Variants in C17orf99 observed in about 807,000 individuals in gnomAD.
The protein encoded by C17orf99 is chromosome 17 open reading frame 99.
C17orf99 carries 18 observed loss-of-function variants against 22.6 expected under a neutral mutation model. That is an observed-to-expected ratio of 0.80 (90% CI 0.55 to 1.18). The LOEUF is 1.18. Among genes scored for constraint, C17orf99 ranks in the 50% most tolerant of loss-of-function variants. The pLI is 0.00. For synonymous variants in C17orf99, 147 were observed against 136.6 expected (o/e 1.08, Z -0.53); for missense variants, 328 against 342.7 (o/e 0.96, Z 0.34).
chr17:78,146,828 G>A lies in C17orf99; in HGVS notation c.38-51G>A, dbSNP rs972606447. 9.8e-6 allele frequency: 15 copies of A among 1,536,266 alleles called. No homozygotes were observed. The East Asian group carries it at 3.7e-4, about 38-fold the overall frequency. On this transcript the variant is annotated intron_variant, in intron 1 of 4. Coordinates refer to ENST00000340363, the MANE Select transcript of C17orf99 (RefSeq NM_001163075.2). The surrounding 1 kb of genome is among the most constrained non-coding windows in gnomAD (Gnocchi z 5.2). ...CAGGTGGGTCTCGAGGCTGTCTCTG[G>A]TCTCCCCTCCACACCAGGCCCTCTC... is the stretch of plus-strand genomic sequence containing the variant.
intron 2 of C17orf99, chr17:78,158,081 C>T (rs61740098): frequency 0.12 from 126,282 of 1,050,502 alleles, 8,452 homozygotes; most frequent in Middle Eastern, 0.26. Flanking sequence ...AGAGGACTTT[C>T]GTCTGCATGA....
intron 3 of C17orf99, among the ~76,000 whole-genome samples, chr17:78,162,259 G>C (rs1171898879): frequency 6.9e-6 from 1 of 144,660 alleles, no homozygotes. Flanking sequence ...CTGGGTGACA[G>C]CGTAAGACTA....
chr17:78,158,004 A>G, intron 2 of C17orf99: 1 of 1,355,996 alleles, frequency 7.4e-7, no homozygotes, highest in Non-Finnish European at 1.0e-6. Context: ...ATCAAAAGGA[A>G]TGACTTCCAG....
At position 78,164,076 on chromosome 17, in the gene C17orf99, C is replaced by T. The variant is rs746101109; in HGVS notation, c.371-19C>T. On this transcript the variant is annotated intron_variant, in intron 3 of 4. Coordinates refer to ENST00000340363, the MANE Select transcript of C17orf99 (RefSeq NM_001163075.2). ...AAACCGCTCAGCCATGCCTGTGCTA[C>T]CTTCTCCCACCCTGCCAGAGCCAGT... 3.2e-6 allele frequency: 5 copies of T among 1,549,260 alleles called. No individual in the cohort carries two copies. The highest frequency in any genetic ancestry group is 4.4e-6 in the Non-Finnish European group (5 of 1,144,940).
chr17:78,164,820 G>A lies in C17orf99; in HGVS notation c.640+456G>A, dbSNP rs963096509. On this transcript the variant is annotated intron_variant, in intron 4 of 4. Transcript: ENST00000340363. ...ATCACCGCTTACGCATGACTCGAAG[G>A]TGTTTATGAGGACCTACTGTGTGCC... 3.8e-5 allele frequency: 46 copies of A among 1,221,934 alleles called. No individual in the cohort carries two copies. The African/African-American group carries it at 7.0e-4, about 19-fold the overall frequency. The allele number at this position is 1,221,934 out of a possible 1,614,324, so 75.7% of individuals were successfully genotyped here.
At position 78,146,753 on chromosome 17, in the gene C17orf99, C is replaced by A; in HGVS notation, c.38-126C>A. On this transcript the variant is annotated intron_variant, in intron 1 of 4. Coordinates refer to ENST00000340363, the MANE Select transcript of C17orf99 (RefSeq NM_001163075.2). The surrounding 1 kb of genome is among the most constrained non-coding windows in gnomAD (Gnocchi z 5.2). The stretch of plus-strand genomic sequence containing the variant: ...TTGTGAGTGATGGTGCCAGCTGAGT[C>A]CTGGGGCCTCACTACCAAGAATCAG... 1 of 913,026 alleles carries A rather than the reference C, an allele frequency of 1.1e-6. No homozygotes were observed. The highest frequency in any genetic ancestry group is 1.5e-5 in the South Asian group (1 of 66,738). The allele number at this position is 913,026 out of a possible 1,614,324, so 56.6% of individuals were successfully genotyped here.
At chr17:78,149,757 T>C (rs1379898238) in intron 2 of C17orf99, among the ~76,000 whole-genome samples, 4 of 151,946 alleles carry the variant, frequency 2.6e-5, no homozygotes, top group African/African-American at 9.7e-5. Flanking sequence ...TCGCCCAGGC[T>C]GGAGTGCAGT....
Position 78,160,635 on chromosome 17 carries a change from G to A in C17orf99, c.71-320G>A, listed in dbSNP as rs1567821439. 8 of 378,960 alleles carry A rather than the reference G, an allele frequency of 2.1e-5. No homozygotes were observed. In the East Asian group the frequency reaches 4.1e-4, roughly 19 times the overall value. 23.5% of individuals were successfully genotyped at this position (378,960 alleles called of 1,614,324 possible). On this transcript the variant is annotated intron_variant, in intron 2 of 4. Coordinates refer to ENST00000340363, the MANE Select transcript of C17orf99 (RefSeq NM_001163075.2). ...TCTGTCGCCCAGGCTGGAGTGCAGTGGTGTGATCTCGGCTCACTGCCACCT... is the reference window on the plus strand; with the variant it reads ...TCTGTCGCCCAGGCTGGAGTGCAGTAGTGTGATCTCGGCTCACTGCCACCT...
In C17orf99 at chr17:78,164,433, G is replaced by GAC. The variant is rs527585756; in HGVS notation, c.640+73_640+74dup. ...GTGCCGGGAGGGTGCTAGTGTCCAAGACACAGGTCGATGGGAAGTGGGACA... is the reference window on the plus strand; with the variant it reads ...GTGCCGGGAGGGTGCTAGTGTCCAAGACACACAGGTCGATGGGAAGTGGGACA... On this transcript the variant is annotated intron_variant, in intron 4 of 4. Transcript: ENST00000340363. 6 of 1,550,210 alleles carry GAC rather than the reference G, an allele frequency of 3.9e-6. No homozygotes were observed. The Admixed American group carries it at 5.9e-5, about 15-fold the overall frequency.
chr17:78,146,799 T>C lies in C17orf99; in HGVS notation c.38-80T>C. On this transcript the variant is annotated intron_variant, in intron 1 of 4. Transcript: ENST00000340363. The surrounding 1 kb of genome is among the most constrained non-coding windows in gnomAD (Gnocchi z 5.2). ...ATCAGCCTGCTCCTCCCTCCTGGCT[T>C]CAGCAGGTGGGTCTCGAGGCTGTCT... 5.1e-6 allele frequency: 7 copies of C among 1,363,104 alleles called. No homozygotes were observed. The South Asian group carries it at 8.7e-5, about 17-fold the overall frequency. The allele number at this position is 1,363,104 out of a possible 1,614,324, so 84.4% of individuals were successfully genotyped here. A position where few individuals can be genotyped will look rare whatever the true frequency, so the allele number is the denominator to read the frequency against.
chr17:78,157,095 C>T (rs1056591260), intron 2 of C17orf99, among the ~76,000 whole-genome samples: 1 of 151,804 alleles, frequency 6.6e-6, no homozygotes, highest in Non-Finnish European at 1.5e-5. Context: ...TTTGGGAGGC[C>T]GAGGTGGGTG....
intron 2 of C17orf99, among the ~76,000 whole-genome samples, chr17:78,154,602 G>T (rs556867053): frequency 3.8e-5 from 5 of 131,098 alleles, no homozygotes; most frequent in Non-Finnish European, 6.0e-5. Context: ...CAGCACTTTG[G>T]GGGGCTGAGG....
upstream of C17orf99, among the ~76,000 whole-genome samples, chr17:78,146,031 G>A (rs1433288522): frequency 6.6e-6 from 1 of 151,986 alleles, no homozygotes; most frequent in East Asian, 1.9e-4. The surrounding 1 kb of genome is among the most constrained non-coding windows in gnomAD (Gnocchi z 5.2). Flanking sequence ...CAGGTGATCC[G>A]CCCATCCAGG....
chr17:78,152,160 TTTTATTTA>T (rs34429235), intron 2 of C17orf99, among the ~76,000 whole-genome samples: 1 of 150,954 alleles, frequency 6.6e-6, no homozygotes, highest in Non-Finnish European at 1.5e-5. Context: ...AGCAGATGAA[TTTTATTTA>T]TTTATTTATT....
rs1479673139 is a variant in C17orf99, at chr17:78,160,971, C to T, written c.87C>T (p.Val29=). 1.3e-6 allele frequency: 2 copies of T among 1,551,116 alleles called. No homozygotes were observed. The highest frequency in any genetic ancestry group is 1.7e-4 in the Middle Eastern group (1 of 5,992). Residue 29 remains valine, a synonymous_variant, in exon 3 of 5, where the codon GTC becomes GTT. Coordinates refer to ENST00000340363, the MANE Select transcript of C17orf99 (RefSeq NM_001163075.2). ...KAREEEITPV[V]SIAYKVLEVF... ...ATCTCCCAGAAATTACCCCTGTGGT[C>T]TCCATTGCCTACAAAGTCCTGGAAG...
chr17:78,159,141 A>G (rs1447036230), intron 2 of C17orf99: 10 of 153,032 alleles, frequency 6.5e-5, no homozygotes, highest in Admixed American at 5.9e-4. Flanking sequence ...TATGATTTAA[A>G]AAAAAAAGGA....
At chr17:78,155,085 T>C (rs570635534) in intron 2 of C17orf99, among the ~76,000 whole-genome samples, 2 of 151,376 alleles carry the variant, frequency 1.3e-5, no homozygotes, top group African/African-American at 2.4e-5. Flanking sequence ...CTTTGCGACA[T>C]CCTTGGCCTC....
intron 3 of C17orf99, among the ~76,000 whole-genome samples, chr17:78,161,699 C>A (rs553703908): frequency 6.6e-6 from 1 of 152,010 alleles, no homozygotes; most frequent in Non-Finnish European, 1.5e-5. Flanking sequence ...CAAAGATTAG[C>A]TGGGCGTGGC....
chr17:78,164,266 A>G lies in C17orf99; in HGVS notation c.542A>G (p.Asn181Ser). 6.4e-7 allele frequency: 1 copy of G among 1,551,488 alleles called. No individual in the cohort carries two copies. Among genetic ancestry groups the G allele is most frequent in the South Asian group, 1.2e-5 (1 of 84,070 alleles). ...QQRPCHRQPA[N>S]FSFLPSQTSD... ...AGACCATGCCACAGGCAGCCTGCCA[A>G]CTTCTCCTTCCTGCCGAGCCAGACA... Residue 181 changes from asparagine to serine, a missense_variant, in exon 4 of 5, where the codon AAC (asparagine) becomes AGC (serine). Physicochemically the swap from Asn to Ser is conservative, Grantham distance 46. Transcript: ENST00000340363.
Sources: gnomAD v4.1 joint callset for allele counts (sites outside exome capture counted in the v4.1 genomes callset) on GRCh38, gnomAD v4.1.1 for gene constraint, Gnocchi (gnomAD v3.1) non-coding constraint, MANE v1.5 for transcripts, NCBI Gene and HGNC (gene_info 2026-07-23, HGNC 2026-07-21) for gene names.